The following MTUS2 variants were observed in gnomAD, a reference collection of about 807,000 sequenced individuals.
MTUS2 encodes microtubule associated scaffold protein 2, also known as microtubule-associated tumor suppressor candidate 2.
MTUS2 carries 40 observed loss-of-function variants against 114.1 expected under a neutral mutation model. The observed-to-expected ratio is 0.35, with a 90% CI of 0.27 to 0.46. The LOEUF is 0.46. Among genes scored for constraint, MTUS2 ranks in the 20% least tolerant of loss-of-function variants. MTUS2 has a pLI of 1.00. For missense variants in MTUS2, 1,679 were observed against 1,705.4 expected (o/e 0.98, Z 0.27); for synonymous variants, 688 against 672.0 (o/e 1.02, Z -0.37).
At chr13:28,826,998 A>G (rs1352987808) in intron 1 of MTUS2, among the ~76,000 whole-genome samples, 2 of 152,216 alleles carry the variant, frequency 1.3e-5, no homozygotes, top group Non-Finnish European at 2.9e-5. Context: ...TTACTCATTG[A>G]AAATAGCTTC....
chr13:29,308,610 C>T (rs1265022638), intron 6 of MTUS2, among the ~76,000 whole-genome samples: 1 of 152,132 alleles, frequency 6.6e-6, no homozygotes, highest in Admixed American at 6.5e-5. Flanking sequence ...TCAGAGTGAA[C>T]AGGCAACCTA....
At chr13:29,310,308 C>T (rs1356207368) in intron 6 of MTUS2, among the ~76,000 whole-genome samples, 1 of 152,168 alleles carries the variant, frequency 6.6e-6, no homozygotes, top group Non-Finnish European at 1.5e-5. Context: ...TGTCTGGGCC[C>T]TTAATCATAT....
intron 5 of MTUS2, among the ~76,000 whole-genome samples, chr13:29,202,008 C>A (rs1198121260): frequency 6.6e-6 from 1 of 152,128 alleles, no homozygotes; most frequent in Admixed American, 6.5e-5. Context: ...CGAGGAGTAT[C>A]TTAGTGGTGT....
intron 2 of MTUS2, among the ~76,000 whole-genome samples, chr13:28,991,726 T>C (rs1884864977): frequency 6.6e-6 from 1 of 152,200 alleles, no homozygotes; most frequent in Non-Finnish European, 1.5e-5. Context: ...TTTCCTGCTC[T>C]GGGCTGGCAG....
At chr13:29,324,505 T>C (rs1900396818) in intron 6 of MTUS2, 108 bp from the exon 7 acceptor site, 1 of 721,994 alleles carries the variant, frequency 1.4e-6, no homozygotes, top group Non-Finnish European at 2.3e-6. Flanking sequence ...ATATTTCTTT[T>C]GTTGATATGT....
intron 8 of MTUS2, among the ~76,000 whole-genome samples, chr13:29,397,582 T>A (rs1874005103): frequency 6.6e-6 from 1 of 152,214 alleles, no homozygotes; most frequent in Admixed American, 6.5e-5. Flanking sequence ...GTGATTTGTG[T>A]CCACACTAAA....
chr13:29,340,519 T>C (rs1039501445), intron 7 of MTUS2, among the ~76,000 whole-genome samples: 10 of 152,116 alleles, frequency 6.6e-5, no homozygotes, highest in African/African-American at 2.4e-4. Context: ...GAAAATGGAG[T>C]CATCAGGTTT....
intron 4 of MTUS2, among the ~76,000 whole-genome samples, chr13:29,062,088 A>T (rs1036358525): frequency 6.6e-6 from 1 of 152,164 alleles, no homozygotes; most frequent in South Asian, 2.1e-4. Flanking sequence ...GGATTCAAGC[A>T]ATTCTCGTGC....
At chr13:28,883,837 C>G (rs116674436) in intron 2 of MTUS2, among the ~76,000 whole-genome samples, 146 of 152,190 alleles carry the variant, frequency 9.6e-4, no homozygotes, top group African/African-American at 3.3e-3. Flanking sequence ...GATACTTCTT[C>G]ACACCCATTA....
intron 5 of MTUS2, among the ~76,000 whole-genome samples, chr13:29,227,836 C>G (rs1896171786): frequency 6.6e-6 from 1 of 152,116 alleles, no homozygotes; most frequent in Non-Finnish European, 1.5e-5. Context: ...AAACACATGC[C>G]ATAGAGAATA....
chr13:29,440,983 T>G (rs1477490382), intron 9 of MTUS2, among the ~76,000 whole-genome samples: 1 of 152,212 alleles, frequency 6.6e-6, no homozygotes, highest in East Asian at 1.9e-4. Flanking sequence ...CTCTCTCCCT[T>G]TGTTAAAATG....
intron 8 of MTUS2, among the ~76,000 whole-genome samples, chr13:29,380,286 CT>C (rs1185525910): frequency 5.9e-5 from 9 of 152,226 alleles, no homozygotes; most frequent in Non-Finnish European, 5.9e-5. Flanking sequence ...AACACTGACC[CT>C]TATGCCAGAC....
chr13:29,171,946 C>T (rs1323564894), intron 5 of MTUS2, among the ~76,000 whole-genome samples: 3 of 152,196 alleles, frequency 2.0e-5, no homozygotes, highest in African/African-American at 7.2e-5. Flanking sequence ...CAGAACTTAG[C>T]CATGTAGTCC....
chr13:28,982,677 T>C (rs1207247405), intron 2 of MTUS2, among the ~76,000 whole-genome samples: 2 of 152,218 alleles, frequency 1.3e-5, no homozygotes, highest in Non-Finnish European at 2.9e-5. Context: ...TACATAACAG[T>C]GGAATATTAT....
intron 8 of MTUS2, among the ~76,000 whole-genome samples, chr13:29,375,442 T>C (rs1341998353): frequency 7.8e-6 from 1 of 127,476 alleles, no homozygotes; most frequent in African/African-American, 2.9e-5. Context: ...CCGCAATTAC[T>C]TACTTTTAAT....
chr13:29,249,523 C>T (rs1276759698), intron 5 of MTUS2, among the ~76,000 whole-genome samples: 1 of 152,128 alleles, frequency 6.6e-6, no homozygotes, highest in Non-Finnish European at 1.5e-5. Context: ...GAGATGGTAT[C>T]TCATTATGGT....
chr13:28,933,261 A>AG (rs1881719412), intron 2 of MTUS2, among the ~76,000 whole-genome samples: 1 of 152,136 alleles, frequency 6.6e-6, no homozygotes, highest in African/African-American at 2.4e-5. Flanking sequence ...TGGCAGGCTT[A>AG]GAAACTCAGG....
chr13:29,480,099 C>A lies in MTUS2; in HGVS notation c.3185-51C>A. 1 of 1,532,262 alleles carries A rather than the reference C, an allele frequency of 6.5e-7. No individual in the cohort carries two copies. Among genetic ancestry groups the A allele is most frequent in the African/African-American group, 1.4e-5 (1 of 72,718 alleles). 94.9% of individuals were successfully genotyped at this position (1,532,262 alleles called of 1,614,324 possible). A position where few individuals can be genotyped will look rare whatever the true frequency, so the allele number is the denominator to read the frequency against. On this transcript the variant is annotated intron_variant, in intron 9 of 15. Coordinates refer to ENST00000612955, the MANE Select transcript of MTUS2 (RefSeq NM_001033602.4). The surrounding 1 kb of genome is among the most constrained non-coding windows in gnomAD (Gnocchi z 4.4). ...CTGACCATGGAGGCTGAGTCCTTCC[C>A]ATGCCTCCTACGGCCATTTTTTAAA...
intron 8 of MTUS2, among the ~76,000 whole-genome samples, chr13:29,396,411 A>G (rs552557368): frequency 6.6e-6 from 1 of 152,376 alleles, no homozygotes; most frequent in Admixed American, 6.5e-5. Flanking sequence ...GTGGGCATTC[A>G]GTAATATGTG....
Sources: gnomAD v4.1 joint callset for allele counts (sites outside exome capture counted in the v4.1 genomes callset) on GRCh38, gnomAD v4.1.1 for gene constraint, Gnocchi (gnomAD v3.1) non-coding constraint, MANE v1.5 for transcripts, NCBI Gene and HGNC (gene_info 2026-07-23, HGNC 2026-07-21) for gene names.